DUSP22: variants seen among roughly 807,000 people sequenced by gnomAD.
DUSP22 encodes dual specificity phosphatase 22, also known as dual specificity protein phosphatase 22.
A neutral mutation model predicts 24.5 loss-of-function variants in DUSP22; 24 were observed. The observed-to-expected ratio is 0.98, with a 90% CI of 0.71 to 1.38. DUSP22 has a LOEUF of 1.38. DUSP22 is among the 40% of genes most tolerant of loss of function. The probability of loss-of-function intolerance (pLI) is 0.00; values close to 1 mark genes in which losing one functional copy is unlikely to be tolerated. For synonymous variants in DUSP22, 160 were observed against 106.4 expected (o/e 1.50, Z -3.10); for missense variants, 330 against 269.2 (o/e 1.23, Z -1.58).
intron 5 of DUSP22, among the ~76,000 whole-genome samples, chr6:346,177 CGTGAAGGTTACT>C (rs1372133675): frequency 3.3e-5 from 5 of 152,292 alleles, no homozygotes; most frequent in African/African-American, 1.2e-4. Flanking sequence ...CTGTAGGGAC[CGTGAAGGTTACT>C]GGACAACAGA....
At chr6:309,757 C>G (rs1341858528) in intron 2 of DUSP22, among the ~76,000 whole-genome samples, 2 of 152,256 alleles carry the variant, frequency 1.3e-5, no homozygotes, top group Non-Finnish European at 2.9e-5. Context: ...AATTCCGTCT[C>G]TGAGCTGGGG....
chr6:336,099 A>ATG (rs1759351944), intron 4 of DUSP22, among the ~76,000 whole-genome samples: 1 of 152,304 alleles, frequency 6.6e-6, no homozygotes, highest in African/African-American at 2.4e-5. Context: ...AAATATCATG[A>ATG]TGTGGAGTAG....
In DUSP22 at chr6:350,269, A is replaced by G. The variant is rs1182686460; in HGVS notation, c.*1318A>G. ...TGCTTTCTGGTGGGTAAAATTCCAC[A>G]TTCAGGCCACGAGAGCATCTACAGT... On this transcript the variant is annotated 3_prime_UTR_variant, in exon 7 of 7. Coordinates refer to ENST00000419235, the MANE Select transcript of DUSP22 (RefSeq NM_001286555.3). 6 of 989,188 alleles carry G rather than the reference A, an allele frequency of 6.1e-6. No homozygotes were observed. Among genetic ancestry groups the G allele is most frequent in the African/African-American group, 1.7e-5 (1 of 57,300 alleles). The allele number at this position is 989,188 out of a possible 1,614,324, so 61.3% of individuals were successfully genotyped here. A position where few individuals can be genotyped will look rare whatever the true frequency, so the allele number is the denominator to read the frequency against.
intron 5 of DUSP22, 31 bp downstream of exon 5, chr6:345,959 A>C: frequency 6.2e-7 from 1 of 1,612,334 alleles, no homozygotes; most frequent in Non-Finnish European, 8.5e-7. Context: ...ATAGCGCCTT[A>C]GCGTATTCTG....
chr6:322,763 CATG>C (rs1758658653), intron 3 of DUSP22, among the ~76,000 whole-genome samples: 2 of 145,428 alleles, frequency 1.4e-5, no homozygotes, highest in Admixed American at 7.2e-5. Context: ...GCTTAAGCAT[CATG>C]GTGGTGGTGG....
intron 6 of DUSP22, 45 bp from the exon 7 acceptor site, chr6:348,724 G>A (rs371345397): frequency 3.3e-5 from 54 of 1,612,436 alleles, no homozygotes; most frequent in Middle Eastern, 3.3e-4. Context: ...GGATGCAGAC[G>A]TGCACATGTG....
At chr6:301,837 A>G (rs1757594039) in intron 1 of DUSP22, among the ~76,000 whole-genome samples, 1 of 152,302 alleles carries the variant, frequency 6.6e-6, no homozygotes, top group African/African-American at 2.4e-5. Context: ...CGGGCTCCAG[A>G]CGATGAATTT....
chr6:347,699 T>C (rs1347092061), intron 5 of DUSP22, among the ~76,000 whole-genome samples: 1 of 152,308 alleles, frequency 6.6e-6, no homozygotes, highest in East Asian at 1.9e-4. Context: ...TTAAGGAACA[T>C]GAAGCATTCT....
intron 1 of DUSP22, among the ~76,000 whole-genome samples, chr6:303,515 G>T (rs1368151794): frequency 6.6e-6 from 1 of 152,300 alleles, no homozygotes; most frequent in Admixed American, 6.5e-5. Flanking sequence ...CTAACATGAA[G>T]AACTGTACTA....
intron 3 of DUSP22, among the ~76,000 whole-genome samples, chr6:315,073 T>C (rs1165842112): frequency 4.6e-5 from 7 of 152,296 alleles, no homozygotes; most frequent in African/African-American, 1.7e-4. Flanking sequence ...TGAGAGAAGA[T>C]GTGTTTATCC....
chr6:305,669 C>G (rs898462430), intron 2 of DUSP22, among the ~76,000 whole-genome samples: 22 of 152,302 alleles, frequency 1.4e-4, no homozygotes, highest in Admixed American at 1.3e-4. Flanking sequence ...GTCCCCCTGC[C>G]AGGTGACCTT....
chr6:309,030 G>A (rs1294142529), intron 2 of DUSP22, among the ~76,000 whole-genome samples: 19 of 152,300 alleles, frequency 1.2e-4, no homozygotes, highest in African/African-American at 4.1e-4. Context: ...TGCTGGTGGC[G>A]ATTGGAAAAT....
intron 3 of DUSP22, among the ~76,000 whole-genome samples, chr6:330,060 G>A (rs1221267031): frequency 4.6e-5 from 7 of 152,302 alleles, no homozygotes; most frequent in East Asian, 1.9e-4. Context: ...CACACAGGCC[G>A]GTGAAGCAGG....
intron 2 of DUSP22, among the ~76,000 whole-genome samples, chr6:308,357 C>T (rs1425278304): frequency 6.6e-6 from 1 of 152,306 alleles, no homozygotes; most frequent in Non-Finnish European, 1.5e-5. Flanking sequence ...GGTCGCCTTC[C>T]AGGACAACCA....
Position 349,096 on chromosome 6 carries a change from C to G in DUSP22, c.*145C>G. The G allele has an allele frequency of 6.9e-7, 1 of 1,458,024 alleles. No homozygotes were observed. The highest frequency in any genetic ancestry group is 9.0e-7 in the Non-Finnish European group (1 of 1,109,022). 90.3% of individuals were successfully genotyped at this position (1,458,024 alleles called of 1,614,324 possible). A position where few individuals can be genotyped will look rare whatever the true frequency, so the allele number is the denominator to read the frequency against. ...GAGGGCTCCTTCCCCCAAGCAACAC[C>G]GCCCAGCCCTGCTCCAGGCCCCTGC... On this transcript the variant is annotated 3_prime_UTR_variant, in exon 7 of 7. Transcript: ENST00000419235.
At chr6:317,762 C>T (rs1048487680) in intron 3 of DUSP22, among the ~76,000 whole-genome samples, 7 of 152,300 alleles carry the variant, frequency 4.6e-5, no homozygotes, top group Admixed American at 6.5e-5. Context: ...TTGCAGCACT[C>T]GGCTTGGATC....
At chr6:338,968 G>A (rs1759479424) in intron 4 of DUSP22, among the ~76,000 whole-genome samples, 1 of 152,304 alleles carries the variant, frequency 6.6e-6, no homozygotes, top group South Asian at 2.1e-4. Flanking sequence ...TGATCTTCCA[G>A]GAACTTAAAA....
At chr6:346,411 C>T (rs548062850) in intron 5 of DUSP22, among the ~76,000 whole-genome samples, 243 of 151,912 alleles carry the variant, frequency 1.6e-3, no homozygotes, top group African/African-American at 5.2e-3. Context: ...CTGTTTGCAT[C>T]CTGCTATATT....
Position 311,921 on chromosome 6 carries a change from C to A in DUSP22, c.97C>A (p.His33Asn). 6.2e-7 allele frequency: 1 copy of A among 1,612,798 alleles called. No individual in the cohort carries two copies. The highest frequency in any genetic ancestry group is 1.7e-5 in the Admixed American group (1 of 59,956). Reference protein sequence around the residue: ...AEQLSKNKVTHILSVHDSARP... With the variant: ...AEQLSKNKVTNILSVHDSARP... The stretch of plus-strand genomic sequence containing the variant: ...ACAATTGAGCAAGAACAAGGTGACA[C>A]ATATTCTGTCTGTCCACGATAGTGC... The change falls in exon 3 of 7, where the codon CAT becomes AAT. Residue 33 changes from histidine (H) to asparagine (N), a missense_variant. Transcript: ENST00000419235.
Sources: gnomAD v4.1 joint callset for allele counts (sites outside exome capture counted in the v4.1 genomes callset) on GRCh38, gnomAD v4.1.1 for gene constraint, MANE v1.5 for transcripts, NCBI Gene and HGNC (gene_info 2026-07-23, HGNC 2026-07-21) for gene names.